Variants in GAREM1 observed in about 807,000 individuals in gnomAD.
GAREM1 encodes the protein GRB2 associated regulator of MAPK1 subtype 1.
Under a neutral mutation model 71.3 loss-of-function variants are expected in GAREM1, and 26 were observed. The ratio of observed to expected loss-of-function variants is 0.36; its 90% CI spans 0.27 to 0.51. The LOEUF is 0.51. GAREM1 is among the 20% of genes least tolerant of loss of function. The probability of loss-of-function intolerance (pLI) is 0.95; values close to 1 mark genes in which losing one functional copy is unlikely to be tolerated. For missense variants in GAREM1, 1,026 were observed against 1,103.1 expected (o/e 0.93, Z 0.99); for synonymous variants, 440 against 433.2 (o/e 1.02, Z -0.20).
At chr18:32,427,812 C>T (rs538039940) in intron 1 of GAREM1, among the ~76,000 whole-genome samples, 3 of 152,170 alleles carry the variant, frequency 2.0e-5, no homozygotes, top group Non-Finnish European at 4.4e-5. Context: ...TCAAAAAATG[C>T]CACATCATTT....
chr18:32,315,333 GAA>G (rs2047365170), intron 2 of GAREM1, among the ~76,000 whole-genome samples: 1 of 150,852 alleles, frequency 6.6e-6, no homozygotes, highest in African/African-American at 2.4e-5. Context: ...CATTTAAAGA[GAA>G]GAGGTAAAAT....
chr18:32,315,974 T>C (rs1279850872), intron 2 of GAREM1, among the ~76,000 whole-genome samples: 1 of 152,212 alleles, frequency 6.6e-6, no homozygotes. Flanking sequence ...TATTTTTCTA[T>C]TGCGTCTGTG....
At position 32,345,077 on chromosome 18, in the gene GAREM1, A is replaced by C. The variant is rs182466515; in HGVS notation, c.263-34754T>G. On this transcript the variant is annotated intron_variant, in intron 2 of 5. Transcript: ENST00000269209. ...ACTCAGTCTCGAAAAAAACAAAAACAAAAACCAAAAACCAAACAACAACAA... is the reference window on the plus strand; with the variant it reads ...ACTCAGTCTCGAAAAAAACAAAAACCAAAACCAAAAACCAAACAACAACAA... 2.3e-3 allele frequency among the ~76,000 whole-genome samples: 350 copies of C among 152,302 alleles called. 2 individuals are homozygous for C. Among genetic ancestry groups the C allele is most frequent in the Admixed American group, 4.1e-3 (63 of 15,294 alleles).
At chr18:32,334,861 A>G (rs1327929503) in intron 2 of GAREM1, among the ~76,000 whole-genome samples, 1 of 152,132 alleles carries the variant, frequency 6.6e-6, no homozygotes, top group African/African-American at 2.4e-5. Flanking sequence ...TGGGTACGAG[A>G]TATGTGGGCA....
chr18:32,317,939 T>C (rs529463937), intron 2 of GAREM1, among the ~76,000 whole-genome samples: 24 of 152,208 alleles, frequency 1.6e-4, no homozygotes, highest in African/African-American at 5.3e-4. Flanking sequence ...TTTAAGACCA[T>C]TTCACGAATA....
chr18:32,332,866 G>A (rs543988807), intron 2 of GAREM1, among the ~76,000 whole-genome samples: 1 of 152,284 alleles, frequency 6.6e-6, no homozygotes, highest in Admixed American at 6.5e-5. Flanking sequence ...ACTCTTTCCT[G>A]AAAACGATGG....
chr18:32,275,786 C>T (rs2041533740), intron 4 of GAREM1, among the ~76,000 whole-genome samples: 1 of 152,222 alleles, frequency 6.6e-6, no homozygotes, highest in South Asian at 2.1e-4. Context: ...TCAAGCAATT[C>T]TCCTGCCTCA....
chr18:32,336,201 C>T (rs565832269), intron 2 of GAREM1, among the ~76,000 whole-genome samples: 126 of 152,150 alleles, frequency 8.3e-4, no homozygotes, highest in African/African-American at 2.8e-3. Flanking sequence ...GAGGCCGAGA[C>T]GGGCGGATCA....
At chr18:32,404,732 G>A (rs2048349655) in intron 1 of GAREM1, among the ~76,000 whole-genome samples, 1 of 152,128 alleles carries the variant, frequency 6.6e-6, no homozygotes, top group African/African-American at 2.4e-5. Flanking sequence ...TCTTTTTAAA[G>A]AATGTTTTTA....
chr18:32,386,143 C>T (rs1446339609), intron 2 of GAREM1, among the ~76,000 whole-genome samples: 1 of 152,136 alleles, frequency 6.6e-6, no homozygotes, highest in Admixed American at 6.5e-5. Context: ...TAAGCTTTAT[C>T]CCATATAACA....
intron 2 of GAREM1, among the ~76,000 whole-genome samples, chr18:32,364,022 ATATATGTTTTTTTT>A (rs2047901234): frequency 3.8e-5 from 2 of 52,072 alleles, no homozygotes; most frequent in African/African-American, 2.9e-4. Context: ...ATATATATAT[ATATATGTTTTTTTT>A]TTTTTTTTTT....
Position 32,402,392 on chromosome 18 carries a change from A to C in GAREM1, c.122-9357T>G, listed in dbSNP as rs545358271. On this transcript the variant is annotated intron_variant, in intron 1 of 5. Coordinates refer to ENST00000269209, the MANE Select transcript of GAREM1 (RefSeq NM_001242409.2). The stretch of plus-strand genomic sequence containing the variant: ...AACACTAGGATAACTAGAATCCATG[A>C]AACCTTCAAAGTTAGTCTGCTTAAA... Among the ~76,000 whole-genome samples the C allele has an allele frequency of 1.4e-4, 22 of 152,292 alleles. No individual in the cohort carries two copies. In the South Asian group the frequency reaches 4.6e-3, roughly 32 times the overall value.
chr18:32,329,263 C>T (rs539500612), intron 2 of GAREM1, among the ~76,000 whole-genome samples: 6 of 152,088 alleles, frequency 3.9e-5, no homozygotes, highest in Admixed American at 2.0e-4. Context: ...ATAGTCCTAC[C>T]TACTGAGGAG....
intron 4 of GAREM1, among the ~76,000 whole-genome samples, chr18:32,276,558 G>A (rs903672681): frequency 5.9e-5 from 9 of 152,194 alleles, no homozygotes; most frequent in African/African-American, 1.4e-4. Context: ...AAGGTGGCAG[G>A]AGAAGAACAA....
intron 1 of GAREM1, among the ~76,000 whole-genome samples, chr18:32,421,197 A>G (rs960628464): frequency 6.6e-6 from 1 of 152,194 alleles, no homozygotes; most frequent in African/African-American, 2.4e-5. Context: ...TAATAATAAT[A>G]GTGTCTACTT....
intron 3 of GAREM1, among the ~76,000 whole-genome samples, chr18:32,306,145 A>G (rs2144510199): frequency 6.6e-6 from 1 of 152,244 alleles, no homozygotes; most frequent in East Asian, 1.9e-4. Context: ...ATTTTGCTAA[A>G]TTTCATGGTT....
chr18:32,344,795 C>T (rs2047678517), intron 2 of GAREM1, among the ~76,000 whole-genome samples: 1 of 152,184 alleles, frequency 6.6e-6, no homozygotes, highest in Admixed American at 6.5e-5. Context: ...GGCACGGTGG[C>T]TCACGCCTAT....
intron 2 of GAREM1, among the ~76,000 whole-genome samples, chr18:32,352,300 A>T (rs888273220): frequency 6.6e-6 from 1 of 152,252 alleles, no homozygotes; most frequent in African/African-American, 2.4e-5. Flanking sequence ...AGACAAGGCC[A>T]GGAGTAACTC....
chr18:32,428,439 CCT>C (rs1483857362), intron 1 of GAREM1, among the ~76,000 whole-genome samples: 2 of 151,930 alleles, frequency 1.3e-5, no homozygotes, highest in African/African-American at 2.4e-5. Context: ...GGCATCACCC[CCT>C]GTGGTTGGAA....
Sources: allele counts gnomAD v4.1 joint callset (sites outside exome capture counted in the v4.1 genomes callset), GRCh38; gene constraint gnomAD v4.1.1; transcripts MANE v1.5; gene names NCBI Gene and HGNC (gene_info 2026-07-23, HGNC 2026-07-21).